Variants in FARP1 observed in about 807,000 individuals in gnomAD.
FARP1 encodes the protein FERM, ARHGEF and pleckstrin domain-containing protein 1.
A neutral mutation model predicts 128.8 loss-of-function variants in FARP1; 52 were observed. The ratio of observed to expected loss-of-function variants is 0.40; its 90% confidence interval spans 0.32 to 0.51. The LOEUF is 0.51. Ranked by LOEUF, FARP1 falls within the 20% of genes least tolerant of loss-of-function variation. The pLI, the probability that FARP1 is intolerant of heterozygous loss-of-function variation, is 0.45. For synonymous variants in FARP1, 580 were observed against 551.8 expected (o/e 1.05, Z -0.72); for missense variants, 1,333 against 1,367.9 (o/e 0.97, Z 0.40).
chr13:98,384,195 T>TG (rs750602631), intron 6 of FARP1: 20 of 60,350 alleles, frequency 3.3e-4, no homozygotes, highest in East Asian at 9.7e-4. Context: ...TTTTTTTTTG[T>TG]AGGGGGGCGG....
chr13:98,234,515 C>G (rs1158631929), intron 2 of FARP1: 2 of 152,156 alleles, frequency 1.3e-5, no homozygotes, highest in East Asian at 1.9e-4. Flanking sequence ...GTCTAAACAC[C>G]TGGAAAAAAT....
At chr13:98,314,828 C>A (rs1240240974) in intron 2 of FARP1, among the ~76,000 whole-genome samples, 2 of 152,118 alleles carry the variant, frequency 1.3e-5, no homozygotes, top group African/African-American at 4.8e-5. Flanking sequence ...TAGGATGAGC[C>A]AATTAAGGAA....
At chr13:98,382,809 A>T in intron 6 of FARP1, among the ~76,000 whole-genome samples, 1 of 151,640 alleles carries the variant, frequency 6.6e-6, no homozygotes, top group East Asian at 1.9e-4. Flanking sequence ...ATTTTTGTGC[A>T]TGTTTTTGGT....
At chr13:98,166,257 A>C (rs1348485264) in intron 1 of FARP1, among the ~76,000 whole-genome samples, 1 of 152,184 alleles carries the variant, frequency 6.6e-6, no homozygotes. Context: ...AAATGACACC[A>C]CACTGAAGAT....
In FARP1 at chr13:98,145,641, C is replaced by T. The variant is rs533524140; in HGVS notation, c.-24+2149C>T. ...ATCCCAGCACTTTGGGAGACCGAGG[C>T]GGATCACTTGAGATCAGGATTTCCC... On this transcript the variant is annotated intron_variant, in intron 1 of 26. Transcript: ENST00000319562. Among the ~76,000 whole-genome samples the T allele has an allele frequency of 1.6e-4, 25 of 152,156 alleles. No individual in the cohort carries two copies. In the South Asian group the frequency reaches 4.8e-3, roughly 29 times the overall value.
At chr13:98,208,760 G>A (rs531328606) in intron 1 of FARP1, among the ~76,000 whole-genome samples, 6 of 152,184 alleles carry the variant, frequency 3.9e-5, no homozygotes, top group Non-Finnish European at 7.4e-5. Flanking sequence ...AGGCCCTGGT[G>A]ATTTGAGTCG....
At chr13:98,320,853 A>G (rs1307855210) in intron 2 of FARP1, among the ~76,000 whole-genome samples, 3 of 152,094 alleles carry the variant, frequency 2.0e-5, no homozygotes, top group Admixed American at 6.6e-5. Flanking sequence ...TGTTGTTGGC[A>G]TGTTCAGGAT....
At chr13:98,365,894 G>GT (rs113549180) in intron 4 of FARP1, among the ~76,000 whole-genome samples, 1 of 148,264 alleles carries the variant, frequency 6.7e-6, no homozygotes, top group Non-Finnish European at 1.5e-5. Flanking sequence ...GTGTGTATGT[G>GT]GTGTGTGTGT....
Position 98,440,128 on chromosome 13 carries a change from G to C in FARP1, c.2522G>C (p.Arg841Pro), listed in dbSNP as rs530354815. Residue 841 changes from arginine to proline, a missense_variant, in exon 23 of 27, where the codon CGG (arginine) becomes CCG (proline). Transcript: ENST00000319562. ...TGACGCGTCTCTGTCTCCAGTTCTC[G>C]GTCCGAGATGGAGAAGTGGGTTGAG... is the stretch of plus-strand genomic sequence containing the variant. The part of the protein sequence containing the change: ...RQSIIVAASS[R>P]SEMEKWVEDI... 4.3e-6 allele frequency: 7 copies of C among 1,613,406 alleles called. No individual in the cohort carries two copies. In the South Asian group the frequency reaches 6.6e-5, roughly 15 times the overall value.
chr13:98,143,831 C>T (rs1334340455), intron 1 of FARP1, among the ~76,000 whole-genome samples: 1 of 151,818 alleles, frequency 6.6e-6, no homozygotes, highest in Non-Finnish European at 1.5e-5. Flanking sequence ...CGTTTCCTTC[C>T]GTCCTACCCG....
intron 2 of FARP1, among the ~76,000 whole-genome samples, chr13:98,213,763 A>G (rs1389607040): frequency 6.6e-6 from 1 of 152,058 alleles, no homozygotes; most frequent in Non-Finnish European, 1.5e-5. Context: ...ATCCCAGTTT[A>G]ATTTACTGGT....
chr13:98,192,976 C>T (rs942317711), intron 1 of FARP1, among the ~76,000 whole-genome samples: 2 of 152,242 alleles, frequency 1.3e-5, no homozygotes, highest in African/African-American at 2.4e-5. Context: ...GGTGTGTCAG[C>T]AACCATTCAC....
intron 2 of FARP1, among the ~76,000 whole-genome samples, chr13:98,262,275 C>T (rs1883921640): frequency 6.6e-6 from 1 of 151,772 alleles, no homozygotes; most frequent in Non-Finnish European, 1.5e-5. Context: ...CCTGCCTTAG[C>T]CTCTCAAAGT....
intron 2 of FARP1, among the ~76,000 whole-genome samples, chr13:98,274,768 A>C (rs1884555662): frequency 2.0e-5 from 3 of 152,134 alleles, no homozygotes; most frequent in African/African-American, 7.2e-5. Flanking sequence ...ACCAGCTCCC[A>C]AGTTGGTGAC....
rs930846976 is a variant in FARP1 at position 98,305,539 on chromosome 13, G to A, written c.172-38223G>A. On this transcript the variant is annotated intron_variant, in intron 2 of 26. Transcript: ENST00000319562. ...AGTAGAGACGGGGTTTCTCCATGTT[G>A]GTCAGGCTGGTGTTGAACTCCTGAC... 3.3e-5 allele frequency among the ~76,000 whole-genome samples: 5 copies of A among 152,208 alleles called. No individual in the cohort carries two copies. In the South Asian group the frequency reaches 6.2e-4, roughly 19 times the overall value.
At chr13:98,380,291 A>G (rs995399692) in intron 6 of FARP1, among the ~76,000 whole-genome samples, 74 of 152,116 alleles carry the variant, frequency 4.9e-4, no homozygotes, top group Non-Finnish European at 5.7e-4. Flanking sequence ...TACTAAAAAT[A>G]CAAAAATTAG....
chr13:98,256,953 A>ATGTATATATATATATATATG (rs1566801035), intron 2 of FARP1, among the ~76,000 whole-genome samples: 1 of 48,908 alleles, frequency 2.0e-5, no homozygotes. Flanking sequence ...ATGTGGATAT[A>ATGTATATATATATATATATG]TATATATATA....
At position 98,295,469 on chromosome 13, in the gene FARP1, A is replaced by C. The variant is rs116389204; in HGVS notation, c.172-48293A>C. 2.2e-3 allele frequency among the ~76,000 whole-genome samples: 329 copies of C among 152,202 alleles called. 3 individuals carry two copies. Among genetic ancestry groups the C allele is most frequent in the Middle Eastern group, 0.017 (5 of 294 alleles). On this transcript the variant is annotated intron_variant, in intron 2 of 26. Transcript: ENST00000319562. ...ATTTAAGGAAGCTCGCTGGGTTACT[A>C]CCTCTGCTTATAAACTCCAGATTTG...
At chr13:98,283,792 A>G (rs1382959082) in intron 2 of FARP1, among the ~76,000 whole-genome samples, 1 of 152,226 alleles carries the variant, frequency 6.6e-6, no homozygotes, top group African/African-American at 2.4e-5. Context: ...CACTGCCACA[A>G]ATATGGGTAT....
Sources: gnomAD v4.1 joint callset for allele counts (sites outside exome capture counted in the v4.1 genomes callset) on GRCh38, gnomAD v4.1.1 for gene constraint, MANE v1.5 for transcripts, NCBI Gene and HGNC (gene_info 2026-07-23, HGNC 2026-07-21) for gene names.